GLRA3: variants seen among roughly 807,000 people sequenced by gnomAD.
The protein encoded by GLRA3 is glycine receptor alpha 3.
Under a neutral mutation model 60.4 loss-of-function variants are expected in GLRA3, and 44 were observed. The ratio of observed to expected loss-of-function variants is 0.73; its 90% CI spans 0.57 to 0.94. GLRA3 has a LOEUF of 0.94. GLRA3 is among the 40% of genes least tolerant of loss of function. The pLI, the probability that GLRA3 is intolerant of heterozygous loss-of-function variation, is 0.00. For missense variants in GLRA3, 508 were observed against 564.6 expected, an observed-to-expected ratio of 0.90 and a Z score of 1.02; for synonymous variants, 223 against 192.9, an observed-to-expected ratio of 1.16 and a Z score of -1.29.
intron 4 of GLRA3, among the ~76,000 whole-genome samples, chr4:174,717,770 T>G (rs1457777750): frequency 6.6e-6 from 1 of 152,218 alleles, no homozygotes; most frequent in Non-Finnish European, 1.5e-5. Flanking sequence ...ATTTTAAAAT[T>G]AGGTAGACAC....
chr4:174,658,942 AT>A, intron 8 of GLRA3, 111 bp downstream of exon 8: 1 of 872,248 alleles, frequency 1.1e-6, no homozygotes, highest in African/African-American at 1.7e-5. Flanking sequence ...GGAATATTAT[AT>A]CATTTCATCC....
intron 3 of GLRA3, among the ~76,000 whole-genome samples, chr4:174,734,314 A>G (rs1050324694): frequency 3.3e-5 from 5 of 152,130 alleles, no homozygotes; most frequent in Admixed American, 6.6e-5. Flanking sequence ...CCGACACCCA[A>G]TGGTGCAATA....
chr4:174,755,244 T>C (rs1344134596), intron 3 of GLRA3, among the ~76,000 whole-genome samples: 1 of 152,068 alleles, frequency 6.6e-6, no homozygotes, highest in South Asian at 2.1e-4. Context: ...TATTTGACAA[T>C]ATAAACTTAA....
intron 1 of GLRA3, among the ~76,000 whole-genome samples, chr4:174,802,830 A>G (rs1739872953): frequency 6.6e-6 from 1 of 152,130 alleles, no homozygotes; most frequent in African/African-American, 2.4e-5. Context: ...AGAGTTGTGA[A>G]TTGAAATGCT....
At chr4:174,794,777 A>G (rs68111843) in intron 1 of GLRA3, among the ~76,000 whole-genome samples, 11,380 of 152,208 alleles carry the variant, frequency 0.075, 567 homozygotes, top group South Asian at 0.11. Context: ...TTGATCTGAT[A>G]TTGGTTCTGT....
At chr4:174,719,121 G>A (rs1282639580) in intron 4 of GLRA3, among the ~76,000 whole-genome samples, 4 of 151,356 alleles carry the variant, frequency 2.6e-5, no homozygotes, top group Non-Finnish European at 4.4e-5. Context: ...CCGCCACCTC[G>A]CCCGGCTAAT....
chr4:174,664,010 G>C (rs1319577713), intron 7 of GLRA3, among the ~76,000 whole-genome samples: 1 of 152,124 alleles, frequency 6.6e-6, no homozygotes, highest in African/African-American at 2.4e-5. Flanking sequence ...CACTGGTCAG[G>C]GGACCTTTGT....
intron 9 of GLRA3, among the ~76,000 whole-genome samples, chr4:174,646,254 TCTTTAGAGAC>T (rs1415958312): frequency 1.3e-5 from 2 of 152,226 alleles, no homozygotes; most frequent in Non-Finnish European, 2.9e-5. Flanking sequence ...TATTTTAAAA[TCTTTAGAGAC>T]CTTAGCTGCT....
intron 5 of GLRA3, among the ~76,000 whole-genome samples, chr4:174,686,980 T>G (rs1734574350): frequency 6.6e-6 from 1 of 152,216 alleles, no homozygotes; most frequent in Non-Finnish European, 1.5e-5. Flanking sequence ...TTGAGTAGCA[T>G]TACTCTACCA....
At chr4:174,812,658 A>G (rs571585428) in intron 1 of GLRA3, among the ~76,000 whole-genome samples, 67 of 152,302 alleles carry the variant, frequency 4.4e-4, no homozygotes, top group Middle Eastern at 6.8e-3. Context: ...ATATTACGCT[A>G]TACCTCAAGG....
At chr4:174,673,450 T>C (rs912174277) in intron 7 of GLRA3, among the ~76,000 whole-genome samples, 1 of 151,764 alleles carries the variant, frequency 6.6e-6, no homozygotes, top group African/African-American at 2.4e-5. Flanking sequence ...TTTCCATATC[T>C]AAAAAAAAGA....
chr4:174,772,283 GA>G (rs1334571443), intron 2 of GLRA3, among the ~76,000 whole-genome samples: 1 of 152,156 alleles, frequency 6.6e-6, no homozygotes, highest in Non-Finnish European at 1.5e-5. Flanking sequence ...CCTCCAATAA[GA>G]AGCAGAAAGC....
chr4:174,696,019 C>A lies in GLRA3; in HGVS notation c.575-13080G>T, dbSNP rs180998178. On this transcript the variant is annotated intron_variant, in intron 5 of 9. Transcript: ENST00000274093. ...CACAAAATAATAAAATAATAAAATA[C>A]CTAGGAATAACCAGGGAGATGAAAG... is the stretch of plus-strand genomic sequence containing the variant. Among the ~76,000 whole-genome samples the A allele has an allele frequency of 7.2e-5, 11 of 151,748 alleles. No individual in the cohort carries two copies. In the East Asian group the frequency reaches 2.1e-3, roughly 29 times the overall value.
intron 4 of GLRA3, among the ~76,000 whole-genome samples, chr4:174,726,876 A>T (rs1323420733): frequency 6.6e-6 from 1 of 152,000 alleles, no homozygotes; most frequent in Non-Finnish European, 1.5e-5. Context: ...ACTTTTGGTA[A>T]TTTTTTTAAA....
chr4:174,702,459 G>A (rs1159751113), intron 5 of GLRA3, among the ~76,000 whole-genome samples: 1 of 152,102 alleles, frequency 6.6e-6, no homozygotes, highest in African/African-American at 2.4e-5. Context: ...ACCAGCAATA[G>A]CTCTAAGGTA....
At chr4:174,700,684 A>G (rs994212776) in intron 5 of GLRA3, among the ~76,000 whole-genome samples, 2 of 152,196 alleles carry the variant, frequency 1.3e-5, no homozygotes, top group Non-Finnish European at 2.9e-5. Context: ...AGGAAAAGTT[A>G]TTGAAGGAAA....
intron 3 of GLRA3, among the ~76,000 whole-genome samples, chr4:174,740,955 C>T (rs933557492): frequency 5.9e-5 from 9 of 152,140 alleles, no homozygotes; most frequent in African/African-American, 9.7e-5. Context: ...ATTGTACGGG[C>T]GTGCCACAGG....
intron 9 of GLRA3, among the ~76,000 whole-genome samples, chr4:174,653,140 A>G (rs2110869246): frequency 6.6e-6 from 1 of 152,200 alleles, no homozygotes; most frequent in East Asian, 1.9e-4. Flanking sequence ...AAAACAAAGG[A>G]AAATTAAATT....
intron 9 of GLRA3, among the ~76,000 whole-genome samples, chr4:174,644,627 T>C (rs575375332): frequency 5.9e-5 from 9 of 152,320 alleles, no homozygotes; most frequent in Admixed American, 2.6e-4. Context: ...ACTAACCTTT[T>C]TGGAATACTT....
Sources: allele counts gnomAD v4.1 joint callset (sites outside exome capture counted in the v4.1 genomes callset), GRCh38; gene constraint gnomAD v4.1.1; transcripts MANE v1.5; gene names NCBI Gene and HGNC (gene_info 2026-07-23, HGNC 2026-07-21).